The following CSMD3 variants were observed in gnomAD, a reference collection of about 807,000 sequenced individuals.
CSMD3 encodes the protein CUB and Sushi multiple domains 3, also known as CUB and sushi domain-containing protein 3.
CSMD3 carries 177 observed loss-of-function variants against 435.2 expected under a neutral mutation model. That is an observed-to-expected ratio of 0.41 (90% CI 0.36 to 0.46). CSMD3 has a LOEUF of 0.46. CSMD3 is among the 20% of genes least tolerant of loss of function. The probability of loss-of-function intolerance (pLI) is 0.34; values close to 1 mark genes in which losing one functional copy is unlikely to be tolerated. For missense variants in CSMD3, 4,265 were observed against 4,504.6 expected (o/e 0.95, Z 1.52); for synonymous variants, 1,656 against 1,520.5 (o/e 1.09, Z -2.07).
chr8:112,949,162 T>G (rs184401428), intron 8 of CSMD3, among the ~76,000 whole-genome samples: 2 of 152,046 alleles, frequency 1.3e-5, no homozygotes, highest in Admixed American at 6.6e-5. Context: ...TTAATTCAAA[T>G]TGATTCATCA....
chr8:112,678,793 A>G (rs923524333), intron 16 of CSMD3, among the ~76,000 whole-genome samples: 4 of 152,128 alleles, frequency 2.6e-5, no homozygotes, highest in African/African-American at 7.2e-5. Flanking sequence ...ACCAGAAAAT[A>G]CCAACATGTA....
At chr8:113,421,091 TA>T (rs1243707472) in intron 1 of CSMD3, among the ~76,000 whole-genome samples, 9 of 151,760 alleles carry the variant, frequency 5.9e-5, no homozygotes, top group Non-Finnish European at 1.2e-4. Context: ...GAAGAATACA[TA>T]AGAAGATAAT....
chr8:112,838,795 T>C (rs2080099498), intron 11 of CSMD3, among the ~76,000 whole-genome samples: 1 of 151,696 alleles, frequency 6.6e-6, no homozygotes, highest in South Asian at 2.1e-4. Flanking sequence ...ATATGGAAAA[T>C]TCATGTTAAT....
At chr8:112,269,341 A>G (rs559916197) in intron 59 of CSMD3, among the ~76,000 whole-genome samples, 2 of 152,308 alleles carry the variant, frequency 1.3e-5, no homozygotes, top group African/African-American at 4.8e-5. Flanking sequence ...CCTTAGATTC[A>G]TTTATCACCT....
rs570329883 is a variant in CSMD3, at chr8:113,326,822, A to C, written c.179-12029T>G. The stretch of plus-strand genomic sequence containing the variant: ...GTTTATAACCCATTCCAAATTCATA[A>C]GAATGACATTTTAAGCTTAAACCTT... On this transcript the variant is annotated intron_variant, in intron 1 of 70. Coordinates refer to ENST00000297405, the MANE Select transcript of CSMD3 (RefSeq NM_198123.2). Among the ~76,000 whole-genome samples, 7 of 152,322 alleles carry C rather than the reference A, an allele frequency of 4.6e-5. No individual in the cohort carries two copies. In the East Asian group the frequency reaches 1.2e-3, roughly 25 times the overall value.
chr8:112,394,206 C>T (rs1183810099), intron 35 of CSMD3, among the ~76,000 whole-genome samples: 1 of 152,202 alleles, frequency 6.6e-6, no homozygotes, highest in African/African-American at 2.4e-5. Flanking sequence ...TTTACATTTA[C>T]ATCTATTCTC....
At chr8:112,956,574 C>T (rs1345139626) in intron 7 of CSMD3, among the ~76,000 whole-genome samples, 2 of 151,896 alleles carry the variant, frequency 1.3e-5, no homozygotes, top group Non-Finnish European at 2.9e-5. Flanking sequence ...GATTTTAACA[C>T]GTCTGGATTT....
intron 10 of CSMD3, among the ~76,000 whole-genome samples, chr8:112,894,313 G>T (rs2081888731): frequency 6.6e-6 from 1 of 151,510 alleles, no homozygotes; most frequent in Non-Finnish European, 1.5e-5. Context: ...GTGAAGAAGA[G>T]TGGAATGTGA....
At chr8:113,272,304 G>T (rs2093534716) in intron 3 of CSMD3, among the ~76,000 whole-genome samples, 1 of 152,134 alleles carries the variant, frequency 6.6e-6, no homozygotes, top group Non-Finnish European at 1.5e-5. Context: ...GTTTGTCTCT[G>T]TGTCTTCACC....
At chr8:113,321,501 A>G (rs887272856) in intron 1 of CSMD3, among the ~76,000 whole-genome samples, 1 of 152,022 alleles carries the variant, frequency 6.6e-6, no homozygotes, top group Non-Finnish European at 1.5e-5. Context: ...GTCACTTGTC[A>G]TTTATCTTTT....
intron 32 of CSMD3, among the ~76,000 whole-genome samples, chr8:112,459,020 C>T (rs976901183): frequency 6.6e-6 from 1 of 152,056 alleles, no homozygotes; most frequent in Non-Finnish European, 1.5e-5. Context: ...AATGCTTCCT[C>T]CCTTCTCCAC....
At chr8:112,608,125 A>T (rs576180412) in intron 22 of CSMD3, among the ~76,000 whole-genome samples, 12 of 152,298 alleles carry the variant, frequency 7.9e-5, no homozygotes, top group African/African-American at 2.4e-4. Flanking sequence ...TATAACATTA[A>T]CATATAAAAA....
chr8:113,193,762 G>T (rs976159295), intron 3 of CSMD3, among the ~76,000 whole-genome samples: 6 of 151,274 alleles, frequency 4.0e-5, no homozygotes, highest in African/African-American at 9.7e-5. Flanking sequence ...CTGTGCAGTA[G>T]GTTACCGACT....
chr8:113,275,981 A>AG (rs903250485), intron 3 of CSMD3, among the ~76,000 whole-genome samples: 3 of 152,096 alleles, frequency 2.0e-5, no homozygotes, highest in Admixed American at 6.6e-5. Flanking sequence ...ATCCAAATGC[A>AG]GGGGAGTGGG....
chr8:113,306,332 G>A (rs780698603), intron 2 of CSMD3, among the ~76,000 whole-genome samples: 8 of 151,976 alleles, frequency 5.3e-5, no homozygotes, highest in African/African-American at 1.5e-4. Context: ...AATCTTTATC[G>A]TCAGCTAATT....
chr8:112,981,187 T>G (rs1250994212), intron 6 of CSMD3, among the ~76,000 whole-genome samples: 1 of 151,402 alleles, frequency 6.6e-6, no homozygotes, highest in African/African-American at 2.4e-5. Flanking sequence ...GCCTTGATTA[T>G]AAGAGGCATA....
At chr8:112,598,390 C>T (rs1483639614) in intron 22 of CSMD3, among the ~76,000 whole-genome samples, 1 of 151,062 alleles carries the variant, frequency 6.6e-6, no homozygotes, top group Non-Finnish European at 1.5e-5. Context: ...AATGGAAGAA[C>T]ATTCCATGCT....
At chr8:113,405,248 C>T (rs1009150624) in intron 1 of CSMD3, among the ~76,000 whole-genome samples, 1 of 151,406 alleles carries the variant, frequency 6.6e-6, no homozygotes, top group African/African-American at 2.4e-5. Flanking sequence ...ATCAAAGATA[C>T]AATTTTGTAT....
At chr8:112,468,918 A>T (rs1459031023) in intron 32 of CSMD3, among the ~76,000 whole-genome samples, 1 of 152,010 alleles carries the variant, frequency 6.6e-6, no homozygotes, top group Non-Finnish European at 1.5e-5. Flanking sequence ...CCAAAATCTG[A>T]CCCCAATACC....
Sources: allele counts gnomAD v4.1 joint callset (sites outside exome capture counted in the v4.1 genomes callset), GRCh38; gene constraint gnomAD v4.1.1; transcripts MANE v1.5; gene names NCBI Gene and HGNC (gene_info 2026-07-23, HGNC 2026-07-21).